SORCS1: variants seen among roughly 807,000 people sequenced by gnomAD.
SORCS1 encodes VPS10 domain-containing receptor SorCS1.
A neutral mutation model predicts 146.1 loss-of-function variants in SORCS1; 60 were observed. That is an observed-to-expected ratio of 0.41 (90% CI 0.33 to 0.51). The LOEUF (loss-of-function observed/expected upper bound fraction) is 0.51, where lower values mean the gene tolerates loss of function less well. SORCS1 is among the 20% of genes least tolerant of loss of function. SORCS1 has a pLI of 0.21. For missense variants in SORCS1, 1,352 were observed against 1,487.6 expected, an observed-to-expected ratio of 0.91 and a Z score of 1.50; for synonymous variants, 637 against 584.0, an observed-to-expected ratio of 1.09 and a Z score of -1.31.
chr10:107,117,868 T>C (rs934250801), intron 1 of SORCS1, among the ~76,000 whole-genome samples: 3 of 152,162 alleles, frequency 2.0e-5, no homozygotes, highest in Non-Finnish European at 2.9e-5. Context: ...GTCTCACACA[T>C]ACCTAATTTA....
rs201707888 is a variant in SORCS1, at chr10:106,597,334, G to A, written c.3265+17C>T. On this transcript the variant is annotated intron_variant, in intron 24 of 25. Transcript: ENST00000263054. Reference sequence around the variant, plus strand: ...TGCCAGAGCCACCAGCCAGAACCCCGGGACATGGACACTGACCCGCTGTTA... The same window carrying A: ...TGCCAGAGCCACCAGCCAGAACCCCAGGACATGGACACTGACCCGCTGTTA... 4.3e-6 allele frequency: 7 copies of A among 1,610,738 alleles called. No individual in the cohort carries two copies. The African/African-American group carries it at 5.3e-5, about 12-fold the overall frequency.
intron 4 of SORCS1, among the ~76,000 whole-genome samples, chr10:106,770,941 C>A (rs2136322943): frequency 6.6e-6 from 1 of 152,330 alleles, no homozygotes; most frequent in East Asian, 1.9e-4. Flanking sequence ...TTGCACAGGA[C>A]AGGAGAAGAG....
intron 4 of SORCS1, among the ~76,000 whole-genome samples, chr10:106,762,011 T>G (rs890329018): frequency 1.3e-5 from 2 of 152,190 alleles, no homozygotes; most frequent in African/African-American, 4.8e-5. Flanking sequence ...GCATTGTGGG[T>G]GATGCAAAGA....
rs1243573170 is a variant in SORCS1 at position 106,577,061 on chromosome 10, C to T, written c.*359G>A. 2 of 479,744 alleles carry T rather than the reference C, an allele frequency of 4.2e-6. No individual in the cohort carries two copies. The highest frequency in any genetic ancestry group is 6.9e-6 in the Non-Finnish European group (2 of 291,240). 29.7% of individuals were successfully genotyped at this position (479,744 alleles called of 1,614,324 possible). ...TCCAGACATGTTCTCAGAGTATTGT[C>T]CACATGCACAGGCTTAAAGCTAAAA... On this transcript the variant is annotated 3_prime_UTR_variant, in exon 26 of 26. Coordinates refer to ENST00000263054, the MANE Select transcript of SORCS1 (RefSeq NM_052918.5).
chr10:106,578,099 A>C (rs946506735), intron 25 of SORCS1: 2 of 152,804 alleles, frequency 1.3e-5, no homozygotes, highest in African/African-American at 4.8e-5. Flanking sequence ...GTGGAGCATG[A>C]ATGGTTATAT....
intron 1 of SORCS1, among the ~76,000 whole-genome samples, chr10:107,044,814 T>TAAA (rs71025575): frequency 3.9e-4 from 35 of 90,248 alleles, no homozygotes; most frequent in Admixed American, 6.5e-4. Context: ...TGTGTCTCAA[T>TAAA]AAAAAAAAAA....
intron 4 of SORCS1, among the ~76,000 whole-genome samples, chr10:106,771,757 A>C (rs1276114150): frequency 1.3e-5 from 2 of 152,142 alleles, no homozygotes; most frequent in Non-Finnish European, 2.9e-5. Context: ...TGTATCTATA[A>C]TGTTCCTTTT....
chr10:106,595,376 C>T (rs1845845815), intron 24 of SORCS1, among the ~76,000 whole-genome samples: 1 of 152,102 alleles, frequency 6.6e-6, no homozygotes, highest in South Asian at 2.1e-4. Flanking sequence ...CTCCTTGCTC[C>T]TTACACTCAT....
At chr10:106,993,238 C>T (rs1008882381) in intron 1 of SORCS1, among the ~76,000 whole-genome samples, 6 of 152,180 alleles carry the variant, frequency 3.9e-5, no homozygotes, top group Non-Finnish European at 8.8e-5. Context: ...GAAACCCTAC[C>T]CATACATGTC....
chr10:107,162,175 A>T (rs1969762556), intron 1 of SORCS1, among the ~76,000 whole-genome samples: 1 of 152,228 alleles, frequency 6.6e-6, no homozygotes, highest in African/African-American at 2.4e-5. Context: ...TCTTTCCAAG[A>T]TCTTTCAAGA....
chr10:106,993,983 C>T (rs1048690115), intron 1 of SORCS1, among the ~76,000 whole-genome samples: 6 of 147,878 alleles, frequency 4.1e-5, no homozygotes, highest in Non-Finnish European at 7.4e-5. Flanking sequence ...ATCGCTTGAG[C>T]CTGGAAGGTG....
At chr10:106,624,496 G>GAACAGAA (rs1317771990) in intron 19 of SORCS1, among the ~76,000 whole-genome samples, 140 of 151,866 alleles carry the variant, frequency 9.2e-4, no homozygotes, top group Non-Finnish European at 1.7e-3. Flanking sequence ...GAGTAGCTGG[G>GAACAGAA]ATTACAGGCG....
intron 23 of SORCS1, among the ~76,000 whole-genome samples, chr10:106,599,600 CA>C (rs1485847720): frequency 6.6e-6 from 1 of 151,838 alleles, no homozygotes; most frequent in Non-Finnish European, 1.5e-5. Context: ...TACAGAATTT[CA>C]GAAAAAATAT....
At chr10:106,775,785 T>C (rs1385762186) in intron 4 of SORCS1, among the ~76,000 whole-genome samples, 4 of 152,244 alleles carry the variant, frequency 2.6e-5, no homozygotes, top group Non-Finnish European at 5.9e-5. Context: ...ATGCTGTTTC[T>C]TTTCATTTTA....
rs573057969 is a variant in SORCS1, at chr10:106,831,761, C to T, written c.627-2088G>A. ...TTATACATAGATGGCAAACAGAAAA[C>T]GGTCAACACTTCAGAGGATTTAGAT... On this transcript the variant is annotated intron_variant, in intron 2 of 25. Coordinates refer to ENST00000263054, the MANE Select transcript of SORCS1 (RefSeq NM_052918.5). Among the ~76,000 whole-genome samples, 159 of 152,146 alleles carry T rather than the reference C, an allele frequency of 1.0e-3. 1 individual carries two copies. The highest frequency in any genetic ancestry group is 3.7e-3 in the African/African-American group (152 of 41,452).
intron 1 of SORCS1, among the ~76,000 whole-genome samples, chr10:107,061,909 G>C (rs1961269020): frequency 1.3e-5 from 2 of 152,144 alleles, no homozygotes; most frequent in Admixed American, 1.3e-4. Context: ...ATAAATATTA[G>C]AAGAGAATCT....
intron 6 of SORCS1, among the ~76,000 whole-genome samples, chr10:106,723,418 C>T (rs1855920495): frequency 6.6e-6 from 1 of 151,484 alleles, no homozygotes; most frequent in Admixed American, 6.6e-5. Context: ...CACACACACA[C>T]AGAATATTTA....
intron 5 of SORCS1, among the ~76,000 whole-genome samples, chr10:106,760,925 G>A (rs1286794040): frequency 1.3e-5 from 2 of 152,036 alleles, no homozygotes; most frequent in African/African-American, 4.8e-5. Context: ...TGGCCAACAT[G>A]GTGAAACCCC....
intron 2 of SORCS1, among the ~76,000 whole-genome samples, chr10:106,914,929 T>A (rs987538201): frequency 3.9e-5 from 6 of 152,152 alleles, no homozygotes; most frequent in Non-Finnish European, 7.3e-5. Flanking sequence ...CAGTTTCCAA[T>A]CAGTGGTGCT....
Sources: gnomAD v4.1 joint callset for allele counts (sites outside exome capture counted in the v4.1 genomes callset) on GRCh38, gnomAD v4.1.1 for gene constraint, MANE v1.5 for transcripts, NCBI Gene and HGNC (gene_info 2026-07-23, HGNC 2026-07-21) for gene names.